The following CFAP299 variants were observed in gnomAD, a reference collection of about 807,000 sequenced individuals.
The protein encoded by CFAP299 is cilia and flagella associated protein 299, also known as cilia- and flagella-associated protein 299.
In CFAP299, 21 loss-of-function variants were observed where a neutral mutation model predicts 27.0. That is an observed-to-expected ratio of 0.78 (90% CI 0.55 to 1.12). The LOEUF (loss-of-function observed/expected upper bound fraction) is 1.12, where lower values mean the gene tolerates loss of function less well. CFAP299 is among the 50% of genes most tolerant of loss of function. CFAP299 has a pLI of 0.00. For synonymous variants in CFAP299, 104 were observed against 98.1 expected (o/e 1.06, Z -0.36); for missense variants, 310 against 276.6 (o/e 1.12, Z -0.86).
intron 4 of CFAP299, among the ~76,000 whole-genome samples, chr4:80,889,454 G>A (rs9884804): frequency 0.15 from 23,221 of 151,726 alleles, 3,043 homozygotes; most frequent in African/African-American, 0.34. Context: ...TCAATAGACC[G>A]ATAATAAGTA....
At chr4:80,633,257 G>A (rs1244849977) in intron 3 of CFAP299, among the ~76,000 whole-genome samples, 2 of 152,096 alleles carry the variant, frequency 1.3e-5, no homozygotes, top group African/African-American at 4.8e-5. Context: ...GACCAGCCTG[G>A]CAAGCATGGT....
At position 80,377,352 on chromosome 4, in the gene CFAP299, A is replaced by G. The variant is rs557612056; in HGVS notation, c.242+14468A>G. On this transcript the variant is annotated intron_variant, in intron 2 of 5. Coordinates refer to ENST00000358105, the MANE Select transcript of CFAP299 (RefSeq NM_152770.3). ...TCTAATTTAAATATCCAACTGTTTC[A>G]GCACTATTTATTGAAAAGACTATTC... 3.2e-4 allele frequency among the ~76,000 whole-genome samples: 48 copies of G among 152,222 alleles called. No homozygotes were observed. The South Asian group carries it at 9.1e-3, about 29-fold the overall frequency.
intron 3 of CFAP299, among the ~76,000 whole-genome samples, chr4:80,592,596 C>T (rs1736841724): frequency 6.6e-6 from 1 of 152,056 alleles, no homozygotes; most frequent in Non-Finnish European, 1.5e-5. Context: ...AATCAGTTGT[C>T]AGGAAAGATG....
chr4:80,956,727 C>T (rs1176477216), intron 5 of CFAP299, among the ~76,000 whole-genome samples: 10 of 152,024 alleles, frequency 6.6e-5, no homozygotes, highest in Admixed American at 6.5e-4. Context: ...GGATTATAGG[C>T]TTGAGCCACC....
intron 3 of CFAP299, among the ~76,000 whole-genome samples, chr4:80,638,682 G>A (rs17004960): frequency 0.038 from 5,772 of 152,186 alleles, 379 homozygotes; most frequent in African/African-American, 0.13. Flanking sequence ...TTTTCTGATG[G>A]TAAGTTCTAT....
At chr4:80,441,053 T>A (rs1417208093) in intron 2 of CFAP299, among the ~76,000 whole-genome samples, 2 of 152,208 alleles carry the variant, frequency 1.3e-5, no homozygotes, top group African/African-American at 4.8e-5. Flanking sequence ...AATATGGGAC[T>A]GTGTGAAAAG....
At chr4:80,790,761 C>T (rs1006070493) in intron 3 of CFAP299, among the ~76,000 whole-genome samples, 3 of 151,992 alleles carry the variant, frequency 2.0e-5, no homozygotes, top group Non-Finnish European at 4.4e-5. Flanking sequence ...CAAACTAATA[C>T]AAACCACAAT....
rs1731629919 is a variant in CFAP299, at chr4:80,499,390, A to T, written c.243-83703A>T. On this transcript the variant is annotated intron_variant, in intron 2 of 5. Coordinates refer to ENST00000358105, the MANE Select transcript of CFAP299 (RefSeq NM_152770.3). ...TTTATTGGGTACTTTATTCTAATAC[A>T]GTATAATATGCTTCAAAATGACTTT... 3.9e-5 allele frequency among the ~76,000 whole-genome samples: 6 copies of T among 152,268 alleles called. No individual in the cohort carries two copies. In the South Asian group the frequency reaches 1.2e-3, roughly 32 times the overall value.
chr4:80,453,677 C>T (rs1446274559), intron 2 of CFAP299, among the ~76,000 whole-genome samples: 3 of 151,476 alleles, frequency 2.0e-5, no homozygotes, highest in African/African-American at 7.3e-5. Context: ...CCCGTCTCTA[C>T]TAAAAATACA....
At chr4:80,649,998 A>G (rs977726251) in intron 3 of CFAP299, among the ~76,000 whole-genome samples, 9 of 151,994 alleles carry the variant, frequency 5.9e-5, no homozygotes, top group Admixed American at 5.2e-4. Context: ...TCAATGCTCT[A>G]CTGGCTTTCA....
chr4:80,338,713 A>G (rs1324040693), intron 1 of CFAP299, among the ~76,000 whole-genome samples: 2 of 152,220 alleles, frequency 1.3e-5, no homozygotes, highest in Non-Finnish European at 2.9e-5. Flanking sequence ...TAAGAGTTTA[A>G]GTAAGAATCT....
intron 2 of CFAP299, chr4:80,387,276 T>C: frequency 6.2e-7 from 1 of 1,611,498 alleles, no homozygotes; most frequent in Non-Finnish European, 8.5e-7. Context: ...TCCTGGTGGC[T>C]CTTGATGTGC....
At chr4:80,771,530 G>A (rs1485002495) in intron 3 of CFAP299, among the ~76,000 whole-genome samples, 4 of 151,628 alleles carry the variant, frequency 2.6e-5, no homozygotes, top group Admixed American at 2.6e-4. Flanking sequence ...ATTGTTATTT[G>A]GAGGTCTATT....
At chr4:80,688,626 AG>A (rs1720409530) in intron 3 of CFAP299, among the ~76,000 whole-genome samples, 1 of 152,234 alleles carries the variant, frequency 6.6e-6, no homozygotes, top group Non-Finnish European at 1.5e-5. Context: ...AACTCTAAAA[AG>A]CACAGCACCT....
chr4:80,849,867 T>C (rs1469460711), intron 3 of CFAP299, among the ~76,000 whole-genome samples: 1 of 152,128 alleles, frequency 6.6e-6, no homozygotes. Context: ...TAGAAGATTC[T>C]GAATAATCTC....
intron 4 of CFAP299, among the ~76,000 whole-genome samples, chr4:80,916,388 G>A (rs555358126): frequency 1.0e-4 from 15 of 149,260 alleles, no homozygotes; most frequent in Non-Finnish European, 2.1e-4. Context: ...TTTGATGCTA[G>A]GTACTTCTGT....
intron 2 of CFAP299, among the ~76,000 whole-genome samples, chr4:80,366,251 A>G (rs546806674): frequency 3.3e-5 from 5 of 152,240 alleles, no homozygotes; most frequent in Admixed American, 6.5e-5. Context: ...TCTTACATTA[A>G]CTTCTTTAAT....
At chr4:80,660,061 T>C (rs1740760961) in intron 3 of CFAP299, among the ~76,000 whole-genome samples, 1 of 152,090 alleles carries the variant, frequency 6.6e-6, no homozygotes, top group African/African-American at 2.4e-5. Flanking sequence ...ATTGGGGCAA[T>C]AGGCAGTATA....
intron 3 of CFAP299, among the ~76,000 whole-genome samples, chr4:80,869,508 G>T (rs1732948121): frequency 6.6e-6 from 1 of 152,064 alleles, no homozygotes; most frequent in South Asian, 2.1e-4. Context: ...TTGCAATATT[G>T]TTAGTACTTT....
Sources: gnomAD v4.1 joint callset for allele counts (sites outside exome capture counted in the v4.1 genomes callset) on GRCh38, gnomAD v4.1.1 for gene constraint, MANE v1.5 for transcripts, NCBI Gene and HGNC (gene_info 2026-07-23, HGNC 2026-07-21) for gene names.